SGCZ: variants seen among roughly 807,000 people sequenced by gnomAD.
SGCZ encodes the protein zeta-sarcoglycan.
In SGCZ, 40 loss-of-function variants were observed where a neutral mutation model predicts 41.3. That is an observed-to-expected ratio of 0.97 (90% confidence interval 0.75 to 1.26). SGCZ has a LOEUF of 1.26. SGCZ is among the 50% of genes most tolerant of loss of function. The pLI is 0.00. For missense variants in SGCZ, 552 were observed against 369.8 expected, an observed-to-expected ratio of 1.49 and a Z score of -4.04; for synonymous variants, 206 against 137.5, an observed-to-expected ratio of 1.50 and a Z score of -3.49.
chr8:14,399,773 C>G (rs1019959285), intron 2 of SGCZ, among the ~76,000 whole-genome samples: 1 of 151,986 alleles, frequency 6.6e-6, no homozygotes, highest in Admixed American at 6.6e-5. Context: ...CTAAAATAAG[C>G]CTTTTCAAAG....
chr8:14,984,681 A>G (rs1046009084), intron 1 of SGCZ, among the ~76,000 whole-genome samples: 1 of 152,188 alleles, frequency 6.6e-6, no homozygotes, highest in Non-Finnish European at 1.5e-5. Flanking sequence ...GGCAATACAT[A>G]TCTTTTGAAT....
intron 2 of SGCZ, among the ~76,000 whole-genome samples, chr8:14,544,022 G>A (rs904531447): frequency 6.6e-6 from 1 of 152,062 alleles, no homozygotes; most frequent in Admixed American, 6.6e-5. Context: ...GGAGCCCCGA[G>A]CACAGAGTAA....
intron 1 of SGCZ, among the ~76,000 whole-genome samples, chr8:14,707,285 C>G (rs1226707563): frequency 2.0e-5 from 3 of 148,472 alleles, no homozygotes; most frequent in Non-Finnish European, 4.4e-5. Flanking sequence ...CATACATAGT[C>G]AATTCTTTTT....
intron 2 of SGCZ, among the ~76,000 whole-genome samples, chr8:14,379,469 A>G (rs769345167): frequency 6.6e-5 from 10 of 152,186 alleles, no homozygotes; most frequent in Non-Finnish European, 1.3e-4. Flanking sequence ...TCTAAGTCAC[A>G]GGTATAATCT....
intron 1 of SGCZ, among the ~76,000 whole-genome samples, chr8:14,894,065 T>C (rs1335562055): frequency 6.6e-6 from 1 of 152,130 alleles, no homozygotes; most frequent in South Asian, 2.1e-4. Context: ...ACAGAAAATA[T>C]AAGAAATATT....
chr8:14,685,602 G>A (rs1338138823), intron 1 of SGCZ, among the ~76,000 whole-genome samples: 7 of 151,874 alleles, frequency 4.6e-5, no homozygotes, highest in Admixed American at 3.9e-4. Flanking sequence ...AACTTTGTAG[G>A]GCTGTGGTAT....
chr8:14,230,436 A>G (rs4490826), intron 4 of SGCZ, among the ~76,000 whole-genome samples: 48,905 of 151,690 alleles, frequency 0.32, 8,150 homozygotes, highest in Non-Finnish European at 0.37. Flanking sequence ...TATATGAGGC[A>G]AATACTCATA....
At chr8:14,191,743 A>T (rs954799648) in intron 4 of SGCZ, among the ~76,000 whole-genome samples, 2 of 152,192 alleles carry the variant, frequency 1.3e-5, no homozygotes, top group Non-Finnish European at 2.9e-5. Flanking sequence ...TATGTGAAAC[A>T]TCATACAAAT....
chr8:14,767,713 A>G (rs749958061), intron 1 of SGCZ, among the ~76,000 whole-genome samples: 3 of 152,212 alleles, frequency 2.0e-5, no homozygotes, highest in Non-Finnish European at 4.4e-5. Context: ...AGACAGTGCC[A>G]ACAGGTGGTC....
At chr8:14,861,231 T>C (rs895999901) in intron 1 of SGCZ, among the ~76,000 whole-genome samples, 12 of 152,186 alleles carry the variant, frequency 7.9e-5, no homozygotes, top group Non-Finnish European at 1.6e-4. Context: ...TTCTTACACA[T>C]GTTTTCCTTG....
In SGCZ at chr8:14,720,367, A is replaced by G. The variant is rs182478969; in HGVS notation, c.40-165441T>C. Among the ~76,000 whole-genome samples the G allele has an allele frequency of 5.9e-5, 9 of 152,212 alleles. No individual in the cohort carries two copies. The East Asian group carries it at 1.7e-3, about 29-fold the overall frequency. On this transcript the variant is annotated intron_variant, in intron 1 of 7. Coordinates refer to ENST00000382080, the MANE Select transcript of SGCZ (RefSeq NM_139167.4). Reference sequence around the variant, plus strand: ...ACTGTAAATGATTTTTAAAAACAATAATGATAGATATAACAATAAAGAGAA... The same window carrying G: ...ACTGTAAATGATTTTTAAAAACAATGATGATAGATATAACAATAAAGAGAA...
chr8:14,095,428 G>T (rs1585128546), intron 7 of SGCZ, among the ~76,000 whole-genome samples: 1 of 152,198 alleles, frequency 6.6e-6, no homozygotes, highest in East Asian at 1.9e-4. Flanking sequence ...AAGTTCAGAT[G>T]GTCGTAGATG....
At chr8:14,947,072 G>A (rs1483064556) in intron 1 of SGCZ, among the ~76,000 whole-genome samples, 3 of 151,630 alleles carry the variant, frequency 2.0e-5, no homozygotes, top group African/African-American at 7.3e-5. Flanking sequence ...CTCCCCATCT[G>A]AAAAAAAAGA....
chr8:14,632,978 TA>T (rs1806709042), intron 1 of SGCZ, among the ~76,000 whole-genome samples: 1 of 151,636 alleles, frequency 6.6e-6, no homozygotes, highest in Non-Finnish European at 1.5e-5. Flanking sequence ...AAGTGAATTA[TA>T]TATATATATT....
At chr8:14,975,789 T>TTA (rs371834276) in intron 1 of SGCZ, among the ~76,000 whole-genome samples, 9,383 of 125,216 alleles carry the variant, frequency 0.075, 348 homozygotes, top group East Asian at 0.11. Context: ...TTTTCCACTT[T>TTA]TATATATATA....
chr8:14,339,157 T>A (rs938025217), intron 2 of SGCZ, among the ~76,000 whole-genome samples: 6 of 152,220 alleles, frequency 3.9e-5, no homozygotes, highest in Non-Finnish European at 8.8e-5. Context: ...GCACTTTACT[T>A]CTACTGCAAA....
intron 4 of SGCZ, among the ~76,000 whole-genome samples, chr8:14,193,569 T>G (rs1443585063): frequency 6.6e-6 from 1 of 152,090 alleles, no homozygotes; most frequent in African/African-American, 2.4e-5. Context: ...TTCAGGCTGC[T>G]CTCTACAATA....
chr8:15,075,747 C>G (rs959106842), intron 1 of SGCZ, among the ~76,000 whole-genome samples: 5 of 152,064 alleles, frequency 3.3e-5, no homozygotes, highest in Non-Finnish European at 7.4e-5. Flanking sequence ...GTATTACATG[C>G]CAAAGAGACA....
chr8:14,702,809 TTAGGTAGATAGATAGATAGA>T lies in SGCZ; in HGVS notation c.40-147903_40-147884del, dbSNP rs1312522256. ...GACAGACAGGCAGACAGGTAGGTAG[TTAGGTAGATAGATAGATAGA>T]TAGATAGATAGATAGATAGATAGAT... is the stretch of plus-strand genomic sequence containing the variant. On this transcript the variant is annotated intron_variant, in intron 1 of 7. Transcript: ENST00000382080. Among the ~76,000 whole-genome samples, 184 of 117,410 alleles carry T rather than the reference TTAGGTAGATAGATAGATAGA, an allele frequency of 1.6e-3. 6 individuals are homozygous for T. The highest frequency in any genetic ancestry group is 9.6e-3 in the Middle Eastern group (2 of 208). 77.0% of individuals were successfully genotyped at this position (117,410 alleles called of 152,430 possible).
Sources: gnomAD v4.1 joint callset for allele counts (sites outside exome capture counted in the v4.1 genomes callset) on GRCh38, gnomAD v4.1.1 for gene constraint, MANE v1.5 for transcripts, NCBI Gene and HGNC (gene_info 2026-07-23, HGNC 2026-07-21) for gene names.